HLCS: variants seen among roughly 807,000 people sequenced by gnomAD.
HLCS encodes holocarboxylase synthetase, also known as biotin--protein ligase.
Under a neutral mutation model 75.0 loss-of-function variants are expected in HLCS, and 53 were observed. The observed-to-expected ratio is 0.71, with a 90% CI of 0.57 to 0.89. The LOEUF is 0.89. Among genes scored for constraint, HLCS ranks in the 40% least tolerant of loss-of-function variants. The pLI, the probability that HLCS is intolerant of heterozygous loss-of-function variation, is 0.00. For missense variants in HLCS, 966 were observed against 1,074.0 expected, an observed-to-expected ratio of 0.90 and a Z score of 1.41; for synonymous variants, 431 against 428.6, an observed-to-expected ratio of 1.01 and a Z score of -0.07.
intron 2 of HLCS, among the ~76,000 whole-genome samples, chr21:36,943,103 C>T (rs567270238): frequency 3.3e-4 from 51 of 152,246 alleles, no homozygotes; most frequent in Non-Finnish European, 5.6e-4. Flanking sequence ...AAAACTGGAA[C>T]TCTAATACAC....
chr21:36,905,333 T>G (rs2065405154), intron 5 of HLCS, among the ~76,000 whole-genome samples: 1 of 152,014 alleles, frequency 6.6e-6, no homozygotes, highest in Admixed American at 6.5e-5. Context: ...AAAAAGACAA[T>G]GAGAGAGTAT....
chr21:36,840,766 C>A (rs1362233213), intron 6 of HLCS, among the ~76,000 whole-genome samples: 1 of 152,102 alleles, frequency 6.6e-6, no homozygotes, highest in African/African-American at 2.4e-5. Context: ...GCGCCCACCA[C>A]CACGCCTGGC....
chr21:36,786,283 CT>C (rs35436718), intron 6 of HLCS, among the ~76,000 whole-genome samples: 22,605 of 144,734 alleles, frequency 0.16, 1,719 homozygotes, highest in South Asian at 0.27. Flanking sequence ...TCTATTTAAG[CT>C]TTTTTTTTTT....
chr21:36,900,762 A>G lies in HLCS; in HGVS notation c.1621-3631T>C, dbSNP rs73389355. Among the ~76,000 whole-genome samples the G allele has an allele frequency of 6.5e-3, 991 of 152,214 alleles. 8 individuals carry two copies. The highest frequency in any genetic ancestry group is 0.023 in the African/African-American group (944 of 41,516). ...TGAGAAAGGATAGGATTCACAGTAG[A>G]CTCTGAAGTACAGGCTACAAGATTT... On this transcript the variant is annotated intron_variant, in intron 5 of 10. Coordinates refer to ENST00000674895, the MANE Select transcript of HLCS (RefSeq NM_001352514.2).
chr21:36,762,966 T>C (rs1253695948), intron 8 of HLCS, among the ~76,000 whole-genome samples: 1 of 152,202 alleles, frequency 6.6e-6, no homozygotes, highest in Non-Finnish European at 1.5e-5. Flanking sequence ...TTAGTGTTTG[T>C]TTTAGTTATT....
chr21:36,767,904 T>C (rs1045907109), intron 6 of HLCS, among the ~76,000 whole-genome samples: 4 of 152,182 alleles, frequency 2.6e-5, no homozygotes, highest in South Asian at 2.1e-4. Flanking sequence ...AATGGTTTCA[T>C]TGAAAAGAAT....
intron 6 of HLCS, among the ~76,000 whole-genome samples, chr21:36,834,431 C>T (rs1601444112): frequency 6.6e-6 from 1 of 152,278 alleles, no homozygotes; most frequent in East Asian, 1.9e-4. Flanking sequence ...GCCAGGTGGG[C>T]GAGTGGCCAA....
intron 6 of HLCS, among the ~76,000 whole-genome samples, chr21:36,888,126 G>A (rs1328472337): frequency 6.6e-6 from 1 of 152,038 alleles, no homozygotes; most frequent in Non-Finnish European, 1.5e-5. Flanking sequence ...GGGTGGAAAT[G>A]TAGACAAAGA....
intron 2 of HLCS, chr21:36,948,052 GA>G: frequency 1.2e-6 from 1 of 865,736 alleles, no homozygotes; most frequent in Non-Finnish European, 1.4e-6. Flanking sequence ...AGCACTTTGG[GA>G]GGCCGAGACA....
chr21:36,959,644 G>A (rs779179102), intron 2 of HLCS, among the ~76,000 whole-genome samples: 5 of 152,102 alleles, frequency 3.3e-5, no homozygotes, highest in African/African-American at 4.8e-5. Flanking sequence ...ATCAGCACGC[G>A]CTTCCTCCCT....
chr21:36,779,204 G>T (rs1408112016), intron 6 of HLCS, among the ~76,000 whole-genome samples: 1 of 152,028 alleles, frequency 6.6e-6, no homozygotes, highest in Non-Finnish European at 1.5e-5. Context: ...ATCTGCTTTG[G>T]TTGAAAAAAT....
intron 6 of HLCS, among the ~76,000 whole-genome samples, chr21:36,884,644 C>T (rs1450894833): frequency 6.6e-6 from 1 of 152,220 alleles, no homozygotes; most frequent in Non-Finnish European, 1.5e-5. Context: ...AGAGAAGTCC[C>T]TGTCACCCTC....
chr21:36,756,916 C>A (rs1275403441), intron 9 of HLCS, 161 bp from the exon 10 acceptor site: 3 of 985,244 alleles, frequency 3.0e-6, no homozygotes, highest in Non-Finnish European at 3.6e-6. Context: ...ACATGTATTT[C>A]TGTCCATCTT....
rs559238447 is a variant in HLCS, at chr21:36,957,217, G to A, written c.330+4819C>T. On this transcript the variant is annotated intron_variant, in intron 2 of 10. Coordinates refer to ENST00000674895, the MANE Select transcript of HLCS (RefSeq NM_001352514.2). ...GATCCCTCATGAATAGTGTGGTGCT[G>A]TCCTCCCTATAGTGAGTGAGTTCTC... is the stretch of plus-strand genomic sequence containing the variant. 2.0e-5 allele frequency among the ~76,000 whole-genome samples: 3 copies of A among 152,232 alleles called. No homozygotes were observed. The East Asian group carries it at 5.8e-4, about 29-fold the overall frequency.
intron 6 of HLCS, among the ~76,000 whole-genome samples, chr21:36,848,363 G>A (rs887588872): frequency 2.0e-5 from 3 of 148,766 alleles, no homozygotes; most frequent in Non-Finnish European, 4.4e-5. Flanking sequence ...TCTGCCTCCC[G>A]AGTTCAAGCA....
chr21:36,783,813 AC>A (rs1282225780), intron 6 of HLCS, among the ~76,000 whole-genome samples: 1 of 144,906 alleles, frequency 6.9e-6, no homozygotes, highest in Non-Finnish European at 1.6e-5. Flanking sequence ...GCACACACAC[AC>A]ATGCACATAC....
At chr21:36,769,688 GCCT>G (rs1169940278) in intron 6 of HLCS, among the ~76,000 whole-genome samples, 1 of 152,196 alleles carries the variant, frequency 6.6e-6, no homozygotes, top group Non-Finnish European at 1.5e-5. Flanking sequence ...AACATTTGGA[GCCT>G]CCTAAGGGTC....
At chr21:36,901,086 C>G (rs1404441690) in intron 5 of HLCS, among the ~76,000 whole-genome samples, 2 of 152,086 alleles carry the variant, frequency 1.3e-5, no homozygotes, top group Non-Finnish European at 2.9e-5. Flanking sequence ...CATGGTGAAA[C>G]CCCACCTCTA....
chr21:36,791,693 C>A (rs1269182217), intron 6 of HLCS, among the ~76,000 whole-genome samples: 16 of 151,910 alleles, frequency 1.1e-4, no homozygotes, highest in Non-Finnish European at 2.9e-5. Flanking sequence ...GACAGAATGC[C>A]GAGCACCCTC....
Sources: allele counts gnomAD v4.1 joint callset (sites outside exome capture counted in the v4.1 genomes callset), GRCh38; gene constraint gnomAD v4.1.1; transcripts MANE v1.5; gene names NCBI Gene and HGNC (gene_info 2026-07-23, HGNC 2026-07-21).